ATG5: variants seen among roughly 807,000 people sequenced by gnomAD.
ATG5 encodes the protein autophagy protein 5.
A neutral mutation model predicts 36.5 loss-of-function variants in ATG5; 14 were observed. That is an observed-to-expected ratio of 0.38 (90% CI 0.25 to 0.60). The LOEUF (loss-of-function observed/expected upper bound fraction) is 0.60, where lower values mean the gene tolerates loss of function less well. ATG5 is among the 20% of genes least tolerant of loss of function. The probability of loss-of-function intolerance (pLI) is 0.60; values close to 1 mark genes in which losing one functional copy is unlikely to be tolerated. For missense variants in ATG5, 195 were observed against 326.7 expected (o/e 0.60, Z 3.11); for synonymous variants, 95 against 101.5 (o/e 0.94, Z 0.38).
At chr6:106,205,797 A>G (rs763602075) in intron 6 of ATG5, among the ~76,000 whole-genome samples, 4 of 152,190 alleles carry the variant, frequency 2.6e-5, no homozygotes, top group Non-Finnish European at 5.9e-5. Context: ...GTGCTATTAC[A>G]TAGTGTAGCT....
chr6:106,313,410 T>C (rs1038229299), intron 2 of ATG5, among the ~76,000 whole-genome samples: 1 of 152,244 alleles, frequency 6.6e-6, no homozygotes, highest in African/African-American at 2.4e-5. Flanking sequence ...GATCGCTGCC[T>C]AATGTTAAGG....
intron 2 of ATG5, among the ~76,000 whole-genome samples, chr6:106,312,887 T>C (rs1770705715): frequency 6.6e-6 from 1 of 152,218 alleles, no homozygotes; most frequent in South Asian, 2.1e-4. Context: ...GAAAACTAAC[T>C]GGTAGGAGGT....
At chr6:106,209,742 G>A (rs73776560) in intron 6 of ATG5, among the ~76,000 whole-genome samples, 3,752 of 152,286 alleles carry the variant, frequency 0.025, 65 homozygotes, top group African/African-American at 0.049. Flanking sequence ...ATACTGTACT[G>A]TAATTATGCA....
chr6:106,283,026 A>G (rs1013047623), intron 4 of ATG5, among the ~76,000 whole-genome samples: 1 of 151,962 alleles, frequency 6.6e-6, no homozygotes, highest in African/African-American at 2.4e-5. Flanking sequence ...TCTGGGTTCA[A>G]GTAATCCTCC....
At chr6:106,300,827 AT>A (rs1031533577) in intron 3 of ATG5, among the ~76,000 whole-genome samples, 3 of 151,272 alleles carry the variant, frequency 2.0e-5, no homozygotes, top group Non-Finnish European at 3.0e-5. Flanking sequence ...AAGAGTATGT[AT>A]TTTTTTTTAC....
At position 106,260,630 on chromosome 6, in the gene ATG5, T is replaced by TG. The variant is rs545871305; in HGVS notation, c.479-12387dup. Among the ~76,000 whole-genome samples the TG allele has an allele frequency of 1.6e-3, 242 of 152,344 alleles. 1 individual carries two copies. The highest frequency in any genetic ancestry group is 1.4e-3 in the East Asian group (7 of 5,180). On this transcript the variant is annotated intron_variant, in intron 5 of 7. Transcript: ENST00000369076. The stretch of plus-strand genomic sequence containing the variant: ...GGTAAAAACCTTGCAATTCTCTGAA[T>TG]GCTAATTAAAATACCAGTGGCACAG...
chr6:106,215,862 A>G (rs1429371260), intron 6 of ATG5, among the ~76,000 whole-genome samples: 1 of 152,226 alleles, frequency 6.6e-6, no homozygotes, highest in African/African-American at 2.4e-5. Flanking sequence ...ATATCTGATA[A>G]GAGACCACTA....
chr6:106,199,019 C>T (rs1425757945), intron 7 of ATG5, among the ~76,000 whole-genome samples: 1 of 152,004 alleles, frequency 6.6e-6, no homozygotes, highest in Admixed American at 6.6e-5. Context: ...TACCATTAGC[C>T]ATTAGAAAAA....
chr6:106,285,561 T>TTA (rs1274137876), intron 4 of ATG5, among the ~76,000 whole-genome samples: 1 of 152,186 alleles, frequency 6.6e-6, no homozygotes, highest in Non-Finnish European at 1.5e-5. Flanking sequence ...GAGCAACTCT[T>TTA]ACTCTAGGGT....
rs10688186 is a variant in ATG5 at position 106,189,646 on chromosome 6, TA to T, written c.692-2971del. On this transcript the variant is annotated intron_variant, in intron 7 of 7. Coordinates refer to ENST00000369076, the MANE Select transcript of ATG5 (RefSeq NM_004849.4). ...AAACAAAAAATTAATAATAAAACAGTAAAAAAAAAAAAAAATCAGTAGATGT... is the reference window on the plus strand; with the variant it reads ...AAACAAAAAATTAATAATAAAACAGTAAAAAAAAAAAAAATCAGTAGATGT... 3.5e-3 allele frequency among the ~76,000 whole-genome samples: 499 copies of T among 143,366 alleles called. 1 individual carries two copies. Among genetic ancestry groups the T allele is most frequent in the African/African-American group, 0.012 (454 of 38,692 alleles). 94.1% of individuals were successfully genotyped at this position (143,366 alleles called of 152,430 possible).
intron 5 of ATG5, among the ~76,000 whole-genome samples, chr6:106,250,467 A>G (rs1006037834): frequency 6.6e-6 from 1 of 152,236 alleles, no homozygotes; most frequent in Non-Finnish European, 1.5e-5. Context: ...AACCAAGACC[A>G]GAATCTTGGT....
chr6:106,243,904 CTTTTTT>C (rs35701133), intron 6 of ATG5, among the ~76,000 whole-genome samples: 1 of 54,910 alleles, frequency 1.8e-5, no homozygotes, highest in Non-Finnish European at 3.1e-5. Flanking sequence ...AGGAACCATC[CTTTTTT>C]TTTTTTTTTT....
At chr6:106,306,696 G>A (rs1770460198) in intron 3 of ATG5, among the ~76,000 whole-genome samples, 1 of 152,122 alleles carries the variant, frequency 6.6e-6, no homozygotes, top group Admixed American at 6.6e-5. Flanking sequence ...AATAACTATA[G>A]CTAGAAATGT....
intron 2 of ATG5, among the ~76,000 whole-genome samples, chr6:106,314,748 T>C (rs1158296631): frequency 1.3e-5 from 2 of 152,112 alleles, no homozygotes; most frequent in African/African-American, 2.4e-5. Context: ...TATCCTAACC[T>C]ATATTACAGA....
chr6:106,257,769 C>T lies in ATG5; in HGVS notation c.479-9525G>A, dbSNP rs117019236. ...AATCTACCTAATCTGTACATGGTAGCTACATGGAAAATACCTCTATAAAGA... is the reference window on the plus strand; with the variant it reads ...AATCTACCTAATCTGTACATGGTAGTTACATGGAAAATACCTCTATAAAGA... On this transcript the variant is annotated intron_variant, in intron 5 of 7. Transcript: ENST00000369076. Among the ~76,000 whole-genome samples the T allele has an allele frequency of 3.3e-3, 509 of 152,292 alleles. 1 individual carries two copies. The highest frequency in any genetic ancestry group is 5.5e-3 in the Non-Finnish European group (371 of 68,022).
chr6:106,265,073 C>T (rs1779174964), intron 5 of ATG5, among the ~76,000 whole-genome samples: 1 of 150,354 alleles, frequency 6.7e-6, no homozygotes, highest in Non-Finnish European at 1.5e-5. Context: ...CAAGACCCAT[C>T]AGTGTGCTGT....
chr6:106,213,749 C>T (rs74674813), intron 6 of ATG5, among the ~76,000 whole-genome samples: 2,332 of 152,242 alleles, frequency 0.015, 66 homozygotes, highest in African/African-American at 0.053. Context: ...CAAATTACAT[C>T]AACCTTTGGG....
At chr6:106,320,874 G>A (rs1771040092) in intron 1 of ATG5, among the ~76,000 whole-genome samples, 1 of 152,160 alleles carries the variant, frequency 6.6e-6, no homozygotes, top group Admixed American at 6.5e-5. Context: ...AGAAGGGAGA[G>A]CCTTGAGTCA....
intron 4 of ATG5, among the ~76,000 whole-genome samples, chr6:106,286,000 G>A (rs1267418241): frequency 6.6e-6 from 1 of 151,214 alleles, no homozygotes; most frequent in African/African-American, 2.5e-5. Flanking sequence ...TGAATGAGCT[G>A]GAATCCAACA....
Sources: gnomAD v4.1 joint callset for allele counts (sites outside exome capture counted in the v4.1 genomes callset) on GRCh38, gnomAD v4.1.1 for gene constraint, MANE v1.5 for transcripts, NCBI Gene and HGNC (gene_info 2026-07-23, HGNC 2026-07-21) for gene names.